The following AGAP4 variants were observed in gnomAD, a reference collection of about 807,000 sequenced individuals.
AGAP4 encodes ArfGAP with GTPase domain, ankyrin repeat and PH domain 4, also known as arf-GAP with GTPase, ANK repeat and PH domain-containing protein 4.
AGAP4 carries 13 observed loss-of-function variants against 60.7 expected under a neutral mutation model. The observed-to-expected ratio is 0.21, with a 90% CI of 0.14 to 0.34. The LOEUF (loss-of-function observed/expected upper bound fraction) is 0.34, where lower values mean the gene tolerates loss of function less well. AGAP4 is among the 10% of genes least tolerant of loss of function. The pLI is 1.00. For synonymous variants in AGAP4, 70 were observed against 339.0 expected, an observed-to-expected ratio of 0.21 and a Z score of 8.72; for missense variants, 169 against 884.0, an observed-to-expected ratio of 0.19 and a Z score of 10.26.
At chr10:45,852,236 A>C (rs1485912973), upstream of AGAP4, among the ~76,000 whole-genome samples, 11 of 149,834 alleles carry the variant, frequency 7.3e-5, no homozygotes, top group Admixed American at 1.3e-4. Flanking sequence ...AAAAAAAAAA[A>C]AAAAAAACTA....
intron 4 of AGAP4, 148 bp downstream of exon 4, chr10:45,841,505 T>G (rs1297829936): frequency 3.0e-6 from 2 of 659,022 alleles, no homozygotes; most frequent in Non-Finnish European, 4.8e-6. Flanking sequence ...ATAAATTTAA[T>G]ACTCAGGAAA....
intron 2 of AGAP4, among the ~76,000 whole-genome samples, chr10:45,845,708 T>C: frequency 1.0e-5 from 1 of 96,318 alleles, no homozygotes; most frequent in Non-Finnish European, 2.2e-5. Context: ...GTCCAAGCAA[T>C]TCTCCTGCCT....
chr10:45,830,611 G>C lies in AGAP4; in HGVS notation c.533+783C>G, dbSNP rs1554896989. 1.7e-5 allele frequency among the ~76,000 whole-genome samples: 2 copies of C among 120,308 alleles called. 1 individual carries two copies. The highest frequency in any genetic ancestry group is 1.6e-4 in the Admixed American group (2 of 12,774). 78.9% of individuals were successfully genotyped at this position (120,308 alleles called of 152,430 possible). A position where few individuals can be genotyped will look rare whatever the true frequency, so the allele number is the denominator to read the frequency against. ...AGCGGTTCTCCTGCCTCAGCCTCCA[G>C]AATAGGTGGGACTACAGGTGCGTGC... is the stretch of plus-strand genomic sequence containing the variant. On this transcript the variant is annotated intron_variant, in intron 6 of 7. Transcript: ENST00000616763.
chr10:45,830,233 C>A (rs1490005555), intron 6 of AGAP4, among the ~76,000 whole-genome samples: 1 of 146,470 alleles, frequency 6.8e-6, no homozygotes, highest in Non-Finnish European at 1.5e-5. Flanking sequence ...GGTGCAATGG[C>A]GAGATCTCGG....
At position 45,831,851 on chromosome 10, in the gene AGAP4, T is replaced by C. The variant is rs1482648983; in HGVS notation, c.498-422A>G. Among the ~76,000 whole-genome samples, 18 of 143,636 alleles carry C rather than the reference T, an allele frequency of 1.3e-4. 1 individual carries two copies. The highest frequency in any genetic ancestry group is 3.6e-4 in the African/African-American group (14 of 38,990). 94.2% of individuals were successfully genotyped at this position (143,636 alleles called of 152,430 possible). Reference sequence around the variant, plus strand: ...ACCACCCAGGTTCAAGCGATTCTCATGCCTCAGCCTCCCAAGAAGCTGGGA... The same window carrying C: ...ACCACCCAGGTTCAAGCGATTCTCACGCCTCAGCCTCCCAAGAAGCTGGGA... On this transcript the variant is annotated intron_variant, in intron 5 of 7. Transcript: ENST00000616763.
upstream of AGAP4, among the ~76,000 whole-genome samples, chr10:45,849,364 A>T (rs2059052012): frequency 6.6e-6 from 1 of 151,552 alleles, no homozygotes; most frequent in Non-Finnish European, 1.5e-5. Context: ...GATTATGGGG[A>T]TTATAATTCA....
At chr10:45,846,906 C>T (rs1377431812) in intron 1 of AGAP4, among the ~76,000 whole-genome samples, 151 bp from the exon 2 acceptor site, 2 of 150,092 alleles carry the variant, frequency 1.3e-5, no homozygotes, top group South Asian at 2.2e-4. Flanking sequence ...AAGAACTGGG[C>T]GATTGGGAGG....
upstream of AGAP4, chr10:45,854,664 A>AG (rs782642973): frequency 0.017 from 2,540 of 148,584 alleles, 46 homozygotes; most frequent in Middle Eastern, 0.042. Context: ...AAAAAGAGAG[A>AG]AAAAGAGAGA....
At chr10:45,850,195 C>A (rs1282071766), upstream of AGAP4, among the ~76,000 whole-genome samples, 3 of 150,762 alleles carry the variant, frequency 2.0e-5, no homozygotes, top group Non-Finnish European at 4.4e-5. Flanking sequence ...TCCCAAAGTG[C>A]TGGGATTGCA....
chr10:45,849,464 G>GATT (rs1317428801), upstream of AGAP4, among the ~76,000 whole-genome samples: 4 of 135,166 alleles, frequency 3.0e-5, no homozygotes, highest in South Asian at 2.3e-4. Context: ...TGTAGATGAT[G>GATT]ATGATGATGA....
intron 5 of AGAP4, among the ~76,000 whole-genome samples, chr10:45,833,570 T>C (rs1358726282): frequency 6.6e-6 from 1 of 151,136 alleles, no homozygotes; most frequent in South Asian, 2.1e-4. Flanking sequence ...CGCATCTTTG[T>C]GGCCCACGAG....
At chr10:45,841,873 T>G (rs2058924937) in intron 3 of AGAP4, among the ~76,000 whole-genome samples, 186 bp from the exon 4 acceptor site, 1 of 151,866 alleles carries the variant, frequency 6.6e-6, no homozygotes, top group African/African-American at 2.4e-5. Flanking sequence ...TCTAAAAACT[T>G]AGATTTTCAT....
intron 1 of AGAP4, chr10:45,853,548 A>G: frequency 1.7e-6 from 2 of 1,204,424 alleles, no homozygotes; most frequent in South Asian, 2.9e-5. Flanking sequence ...CAGATTTACC[A>G]TTTATCAAGA....
chr10:45,837,180 A>G (rs1432795088), intron 4 of AGAP4, among the ~76,000 whole-genome samples: 1 of 146,036 alleles, frequency 6.8e-6, no homozygotes, highest in Non-Finnish European at 1.5e-5. Context: ...ATTTTTTGAT[A>G]TGCCGTTGGG....
In AGAP4 at chr10:45,840,452, A is replaced by G. The variant is rs1446328062; in HGVS notation, c.396+1201T>C. 2.0e-5 allele frequency among the ~76,000 whole-genome samples: 2 copies of G among 98,984 alleles called. 1 individual carries two copies. Among genetic ancestry groups the G allele is most frequent in the Non-Finnish European group, 4.1e-5 (2 of 48,278 alleles). The allele number at this position is 98,984 out of a possible 152,430, so 64.9% of individuals were successfully genotyped here. A position where few individuals can be genotyped will look rare whatever the true frequency, so the allele number is the denominator to read the frequency against. On this transcript the variant is annotated intron_variant, in intron 4 of 7. Transcript: ENST00000616763. ...TACATGAGATACCAAAAGACTTTAAAGAGTTAGCCCAGAAAAGCAGACATT... is the reference window on the plus strand; with the variant it reads ...TACATGAGATACCAAAAGACTTTAAGGAGTTAGCCCAGAAAAGCAGACATT...
At chr10:45,834,818 G>C (rs2058791190) in intron 4 of AGAP4, among the ~76,000 whole-genome samples, 1 of 144,814 alleles carries the variant, frequency 6.9e-6, no homozygotes, top group South Asian at 2.1e-4. Flanking sequence ...CTGTCGCCCA[G>C]ACTGGAGTGC....
intron 2 of AGAP4, among the ~76,000 whole-genome samples, chr10:45,845,648 G>C (rs1346314453): frequency 1.8e-5 from 2 of 109,224 alleles, no homozygotes; most frequent in African/African-American, 6.8e-5. Flanking sequence ...TGTCACCCAG[G>C]CTGGAGTGCA....
intron 4 of AGAP4, among the ~76,000 whole-genome samples, chr10:45,840,161 CTTCCG>C (rs2058894392): frequency 6.8e-6 from 1 of 148,058 alleles, no homozygotes. Context: ...TTCTAAAAAG[CTTCCG>C]CAGATAACTA....
At chr10:45,853,540 G>T (rs1172547731) in intron 1 of AGAP4, 37 of 1,190,718 alleles carry the variant, frequency 3.1e-5, no homozygotes, top group South Asian at 2.5e-4. Context: ...CATATGCTCA[G>T]ATTTACCATT....
Sources: allele counts gnomAD v4.1 joint callset (sites outside exome capture counted in the v4.1 genomes callset), GRCh38; gene constraint gnomAD v4.1.1; transcripts MANE v1.5; gene names NCBI Gene and HGNC (gene_info 2026-07-23, HGNC 2026-07-21).